VDAC1: variants seen among roughly 807,000 people sequenced by gnomAD.
VDAC1 encodes voltage dependent anion channel 1.
In VDAC1, 10 loss-of-function variants were observed where a neutral mutation model predicts 34.7. The ratio of observed to expected loss-of-function variants is 0.29; its 90% CI spans 0.18 to 0.49. VDAC1 has a LOEUF of 0.49. VDAC1 is among the 20% of genes least tolerant of loss of function. The probability of loss-of-function intolerance (pLI) is 0.99; values close to 1 mark genes in which losing one functional copy is unlikely to be tolerated. For synonymous variants in VDAC1, 130 were observed against 136.0 expected (o/e 0.96, Z 0.30); for missense variants, 230 against 347.9 (o/e 0.66, Z 2.69).
chr5:133,980,646 A>AC, intron 6 of VDAC1, 83 bp downstream of exon 6: 2 of 1,031,700 alleles, frequency 1.9e-6, no homozygotes, highest in Non-Finnish European at 2.7e-6. Flanking sequence ...AAAAAAAAAA[A>AC]AAAAAAACAG....
At chr5:134,033,721 G>T in the VDAC1 span, among the ~76,000 whole-genome samples, 1 of 150,926 alleles carries the variant, frequency 6.6e-6, no homozygotes, top group Non-Finnish European at 1.5e-5. Context: ...GGCCGGGTGC[G>T]ATGGCTCACG....
chr5:134,075,926 A>T, the VDAC1 span, among the ~76,000 whole-genome samples: 1 of 151,200 alleles, frequency 6.6e-6, no homozygotes, highest in African/African-American at 2.4e-5. Flanking sequence ...TCTTCACAAC[A>T]CTACTTATGC....
chr5:134,068,434 G>A, the VDAC1 span, among the ~76,000 whole-genome samples: 27 of 147,948 alleles, frequency 1.8e-4, no homozygotes, highest in Admixed American at 8.1e-4. Context: ...TGTCTGAAAC[G>A]TCATTATTTT....
chr5:134,109,619 A>T, the VDAC1 span, among the ~76,000 whole-genome samples: 1 of 152,064 alleles, frequency 6.6e-6, no homozygotes, highest in East Asian at 1.9e-4. Flanking sequence ...AAAATACAAA[A>T]ATTAGCCGAG....
At chr5:134,000,662 G>A (rs1382014042) in intron 1 of VDAC1, among the ~76,000 whole-genome samples, 1 of 151,746 alleles carries the variant, frequency 6.6e-6, no homozygotes, top group Non-Finnish European at 1.5e-5. Context: ...TGGGCAAGTC[G>A]CAACCTCTCT....
chr5:134,020,769 C>A, the VDAC1 span, among the ~76,000 whole-genome samples: 1 of 151,788 alleles, frequency 6.6e-6, no homozygotes, highest in Non-Finnish European at 1.5e-5. Flanking sequence ...CTCCGCCTCC[C>A]GGGTTCACGC....
chr5:134,081,689 C>T, the VDAC1 span, among the ~76,000 whole-genome samples: 1 of 151,846 alleles, frequency 6.6e-6, no homozygotes, highest in African/African-American at 2.4e-5. Context: ...GTCTTAGAAC[C>T]TCCCACTCAG....
chr5:133,998,920 G>A (rs1753434048), intron 1 of VDAC1, among the ~76,000 whole-genome samples: 1 of 152,202 alleles, frequency 6.6e-6, no homozygotes, highest in Non-Finnish European at 1.5e-5. Flanking sequence ...AGGTGCCACT[G>A]AGAAGCAGCA....
chr5:134,044,087 G>A, the VDAC1 span, among the ~76,000 whole-genome samples: 7 of 152,104 alleles, frequency 4.6e-5, no homozygotes, highest in African/African-American at 1.2e-4. Context: ...CAGAGCAGGC[G>A]ATGTTTTTGC....
chr5:134,070,140 T>A, the VDAC1 span, among the ~76,000 whole-genome samples: 5 of 152,154 alleles, frequency 3.3e-5, no homozygotes. Flanking sequence ...TTTTATTCCT[T>A]TACTTTCTTA....
intron 5 of VDAC1, among the ~76,000 whole-genome samples, chr5:133,985,887 G>A (rs1162492628): frequency 6.6e-6 from 1 of 152,162 alleles, no homozygotes; most frequent in African/African-American, 2.4e-5. Context: ...TGATGCCTAT[G>A]GCAGGGCCTC....
At chr5:134,087,807 G>A in the VDAC1 span, among the ~76,000 whole-genome samples, 2 of 150,978 alleles carry the variant, frequency 1.3e-5, no homozygotes, top group Non-Finnish European at 2.9e-5. Flanking sequence ...AGTGAGCTGA[G>A]ATCGCGCCAC....
the VDAC1 span, among the ~76,000 whole-genome samples, chr5:134,055,396 G>A: frequency 4.6e-5 from 7 of 151,980 alleles, no homozygotes; most frequent in East Asian, 1.9e-4. Flanking sequence ...TGACATGTGA[G>A]GACAAGTGCT....
At chr5:134,087,912 G>T in the VDAC1 span, among the ~76,000 whole-genome samples, 2 of 151,210 alleles carry the variant, frequency 1.3e-5, no homozygotes, top group Non-Finnish European at 2.9e-5. Flanking sequence ...CACTTTAGGA[G>T]GCCAAGGCGG....
chr5:134,070,154 T>C, the VDAC1 span, among the ~76,000 whole-genome samples: 1 of 152,188 alleles, frequency 6.6e-6, no homozygotes, highest in Admixed American at 6.5e-5. Context: ...TTTCTTATTT[T>C]TTTTGGAGGT....
At chr5:134,092,297 A>C in the VDAC1 span, among the ~76,000 whole-genome samples, 1 of 152,210 alleles carries the variant, frequency 6.6e-6, no homozygotes, top group Non-Finnish European at 1.5e-5. Flanking sequence ...TTTCCTAAAG[A>C]CTTCAATAGA....
At chr5:134,066,650 G>A in the VDAC1 span, among the ~76,000 whole-genome samples, 1 of 152,172 alleles carries the variant, frequency 6.6e-6, no homozygotes, top group Admixed American at 6.6e-5. Flanking sequence ...ATTATCGGGG[G>A]CCCAGTCTCT....
Position 133,980,794 on chromosome 5 carries a change from G to C in VDAC1, c.486C>G (p.Ser162=). 6.2e-7 allele frequency: 1 copy of C among 1,611,554 alleles called. No homozygotes were observed. The highest frequency in any genetic ancestry group is 8.5e-7 in the Non-Finnish European group (1 of 1,179,398). The change falls in exon 6 of 9, where the codon TCC becomes TCG. Residue 162 remains serine (S), a synonymous_variant. Transcript: ENST00000265333. ...GYQMNFETAK[S]RVTQSNFAVG... ...CTGCAAAGTTGCTCTGGGTCACTCG[G>C]GATTTTGCAGTCTCAAAATTCATCT...
At chr5:134,063,417 T>C in the VDAC1 span, among the ~76,000 whole-genome samples, 1 of 152,230 alleles carries the variant, frequency 6.6e-6, no homozygotes, top group East Asian at 1.9e-4. Context: ...CCTGTATCCT[T>C]ACCTATGTAT....
Sources: allele counts gnomAD v4.1 joint callset (sites outside exome capture counted in the v4.1 genomes callset), GRCh38; gene constraint gnomAD v4.1.1; transcripts MANE v1.5; gene names NCBI Gene and HGNC (gene_info 2026-07-23, HGNC 2026-07-21).